FHIT: variants seen among roughly 807,000 people sequenced by gnomAD.
The protein encoded by FHIT is fragile histidine triad diadenosine triphosphatase.
In FHIT, 19 loss-of-function variants were observed where a neutral mutation model predicts 17.9. The observed-to-expected ratio is 1.06, with a 90% CI of 0.74 to 1.56. The LOEUF (loss-of-function observed/expected upper bound fraction) is 1.56, where lower values mean the gene tolerates loss of function less well. FHIT is among the 40% of genes most tolerant of loss of function. The pLI is 0.00. For synonymous variants in FHIT, 81 were observed against 69.7 expected, an observed-to-expected ratio of 1.16 and a Z score of -0.81; for missense variants, 248 against 189.2, an observed-to-expected ratio of 1.31 and a Z score of -1.82.
At chr3:60,761,853 C>T (rs1371053978) in intron 4 of FHIT, among the ~76,000 whole-genome samples, 1 of 151,844 alleles carries the variant, frequency 6.6e-6, no homozygotes, top group African/African-American at 2.4e-5. Context: ...ACACCTCATC[C>T]TTATTTTCAT....
chr3:59,952,801 G>C (rs1366243848), intron 7 of FHIT, among the ~76,000 whole-genome samples: 2 of 152,158 alleles, frequency 1.3e-5, no homozygotes, highest in Admixed American at 6.5e-5. Context: ...GAGGGCTAGA[G>C]GGTGCAAAAA....
chr3:60,963,819 T>G (rs976316980), intron 3 of FHIT, among the ~76,000 whole-genome samples: 9 of 152,178 alleles, frequency 5.9e-5, no homozygotes, highest in Non-Finnish European at 1.0e-4. Flanking sequence ...TTTCTATTCT[T>G]TTACATTTGC....
Position 61,141,113 on chromosome 3 carries a change from C to T in FHIT, c.-164+59504G>A, listed in dbSNP as rs2037068843. Among the ~76,000 whole-genome samples, 4 of 151,934 alleles carry T rather than the reference C, an allele frequency of 2.6e-5. No homozygotes were observed. In the South Asian group the frequency reaches 8.3e-4, roughly 32 times the overall value. On this transcript the variant is annotated intron_variant, in intron 2 of 9. Transcript: ENST00000492590. ...AGTCATCTGATCACCTTTCACATTTCTCAAGACAGCCTAAGCTGTTTTAGG... is the reference window on the plus strand; with the variant it reads ...AGTCATCTGATCACCTTTCACATTTTTCAAGACAGCCTAAGCTGTTTTAGG...
chr3:60,456,509 CT>C (rs2032103039), intron 5 of FHIT, among the ~76,000 whole-genome samples: 1 of 152,172 alleles, frequency 6.6e-6, no homozygotes, highest in Non-Finnish European at 1.5e-5. Flanking sequence ...GTCTCTTGCC[CT>C]AAAGACTTCA....
intron 4 of FHIT, among the ~76,000 whole-genome samples, chr3:60,796,605 T>G (rs1020792672): frequency 1.3e-5 from 2 of 152,144 alleles, no homozygotes; most frequent in Admixed American, 6.5e-5. Flanking sequence ...TGTTTTGAGA[T>G]GGAGTCTTGG....
chr3:60,217,201 G>A (rs1185287147), intron 5 of FHIT, among the ~76,000 whole-genome samples: 1 of 152,164 alleles, frequency 6.6e-6, no homozygotes, highest in East Asian at 1.9e-4. Context: ...CTCAGGTAAT[G>A]ACAACAAATC....
intron 4 of FHIT, among the ~76,000 whole-genome samples, chr3:60,718,651 T>C (rs2041741114): frequency 1.3e-5 from 2 of 152,202 alleles, no homozygotes; most frequent in Admixed American, 1.3e-4. Flanking sequence ...TCAAAGATTA[T>C]AGTTATGTAT....
intron 7 of FHIT, among the ~76,000 whole-genome samples, chr3:59,996,554 C>T (rs533546142): frequency 3.3e-5 from 5 of 151,940 alleles, no homozygotes; most frequent in Admixed American, 1.3e-4. Context: ...TATGGTCCTC[C>T]CAGCCCACAA....
In FHIT at chr3:59,768,282, C is replaced by G. The variant is rs550513144; in HGVS notation, c.349-15961G>C. ...CATCAAATGCTCTGGTCCTGACTTA[C>G]TGGTCCTGGACATGGTTTTCTTGGC... On this transcript the variant is annotated intron_variant, in intron 8 of 9. Coordinates refer to ENST00000492590, the MANE Select transcript of FHIT (RefSeq NM_002012.4). 2.0e-5 allele frequency among the ~76,000 whole-genome samples: 3 copies of G among 152,342 alleles called. No individual in the cohort carries two copies. The South Asian group carries it at 6.2e-4, about 32-fold the overall frequency.
In FHIT at chr3:60,311,187, A is replaced by T. The variant is rs188398974; in HGVS notation, c.103+225673T>A. 2.2e-4 allele frequency among the ~76,000 whole-genome samples: 33 copies of T among 151,742 alleles called. No individual in the cohort carries two copies. The East Asian group carries it at 2.5e-3, about 12-fold the overall frequency. The stretch of plus-strand genomic sequence containing the variant: ...TAAGTCTCCTTTAACCTCAAACATT[A>T]CTTTGTCTTTCTGTTTTCTTTTTTA... On this transcript the variant is annotated intron_variant, in intron 5 of 9. Transcript: ENST00000492590.
At chr3:60,327,457 T>C (rs1310493358) in intron 5 of FHIT, among the ~76,000 whole-genome samples, 1 of 152,140 alleles carries the variant, frequency 6.6e-6, no homozygotes, top group Non-Finnish European at 1.5e-5. Context: ...AATATATAAA[T>C]AAACGGGCAT....
At chr3:60,260,784 G>C (rs140070256) in intron 5 of FHIT, among the ~76,000 whole-genome samples, 3 of 151,978 alleles carry the variant, frequency 2.0e-5, no homozygotes, top group Non-Finnish European at 4.4e-5. Flanking sequence ...AGATGCAGAT[G>C]CGTAAAGAAG....
intron 4 of FHIT, among the ~76,000 whole-genome samples, chr3:60,559,738 G>T (rs540956461): frequency 8.6e-6 from 1 of 116,038 alleles, no homozygotes. Context: ...AGCTCTAGAA[G>T]ATGAGAAAAA....
chr3:60,229,429 A>G (rs1285428511), intron 5 of FHIT, among the ~76,000 whole-genome samples: 2 of 151,838 alleles, frequency 1.3e-5, no homozygotes, highest in Non-Finnish European at 2.9e-5. Context: ...AAAAAGAAAA[A>G]AAAAAAAAGA....
At chr3:60,652,111 C>T (rs1339044189) in intron 4 of FHIT, among the ~76,000 whole-genome samples, 1 of 152,094 alleles carries the variant, frequency 6.6e-6, no homozygotes, top group African/African-American at 2.4e-5. Context: ...AGAATCGAGC[C>T]TCAGAAATAG....
intron 1 of FHIT, among the ~76,000 whole-genome samples, chr3:61,235,836 A>C (rs1309796763): frequency 2.0e-5 from 3 of 152,182 alleles, no homozygotes; most frequent in Non-Finnish European, 4.4e-5. Flanking sequence ...CTGGAAATTG[A>C]CTTCAGCATG....
intron 5 of FHIT, among the ~76,000 whole-genome samples, chr3:60,091,988 A>G (rs1241014272): frequency 6.6e-6 from 1 of 152,152 alleles, no homozygotes; most frequent in Non-Finnish European, 1.5e-5. Context: ...CCAACCTGCT[A>G]ATTAAGTCAG....
At chr3:60,031,288 T>TA (rs1470053394) in intron 5 of FHIT, among the ~76,000 whole-genome samples, 2 of 152,190 alleles carry the variant, frequency 1.3e-5, no homozygotes, top group Non-Finnish European at 2.9e-5. Flanking sequence ...AGGAACAGCC[T>TA]ATAGCACATT....
intron 7 of FHIT, among the ~76,000 whole-genome samples, chr3:59,940,495 A>G (rs1347018646): frequency 6.6e-6 from 1 of 152,160 alleles, no homozygotes; most frequent in Non-Finnish European, 1.5e-5. Context: ...GAAACCCTGG[A>G]GCTTCCAAAG....
Sources: gnomAD v4.1 joint callset for allele counts (sites outside exome capture counted in the v4.1 genomes callset) on GRCh38, gnomAD v4.1.1 for gene constraint, MANE v1.5 for transcripts, NCBI Gene and HGNC (gene_info 2026-07-23, HGNC 2026-07-21) for gene names.